Variants in PARD6G observed in about 807,000 individuals in gnomAD.
PARD6G encodes the protein par-6 family cell polarity regulator gamma.
Under a neutral mutation model 10.7 loss-of-function variants are expected in PARD6G, and 7 were observed. The ratio of observed to expected loss-of-function variants is 0.66; its 90% CI spans 0.37 to 1.23. PARD6G has a LOEUF of 1.23. PARD6G is among the 50% of genes most tolerant of loss of function. The pLI is 0.02. For synonymous variants in PARD6G, 287 were observed against 269.4 expected (o/e 1.07, Z -0.64); for missense variants, 548 against 571.8 (o/e 0.96, Z 0.42).
intron 1 of PARD6G, among the ~76,000 whole-genome samples, chr18:80,245,574 A>G (rs758381342): frequency 3.9e-5 from 6 of 152,182 alleles, no homozygotes; most frequent in Non-Finnish European, 7.3e-5. Flanking sequence ...AGGGAGGCTG[A>G]GCAAAGGCTC....
At position 80,247,232 on chromosome 18, in the gene PARD6G, C is replaced by T. The variant is rs750613322; in HGVS notation, c.72+45G>A. 7 of 1,501,906 alleles carry T rather than the reference C, an allele frequency of 4.7e-6. No homozygotes were observed. Among genetic ancestry groups the T allele is most frequent in the Non-Finnish European group, 6.3e-6 (7 of 1,104,540 alleles). 93.0% of individuals were successfully genotyped at this position (1,501,906 alleles called of 1,614,324 possible). A position where few individuals can be genotyped will look rare whatever the true frequency, so the allele number is the denominator to read the frequency against. ...CTCCGCGGGGCGCCCCATTCATTAGCCAGGAGACTGGGCGCAGGGCCGCCG... is the reference window on the plus strand; with the variant it reads ...CTCCGCGGGGCGCCCCATTCATTAGTCAGGAGACTGGGCGCAGGGCCGCCG... On this transcript the variant is annotated intron_variant, in intron 1 of 2. Coordinates refer to ENST00000353265, the MANE Select transcript of PARD6G (RefSeq NM_032510.4). This position sits in a 1 kb window ranked among gnomAD's most constrained non-coding sequence, Gnocchi z 4.2.
At chr18:80,216,348 T>C (rs1967166031) in intron 1 of PARD6G, among the ~76,000 whole-genome samples, 1 of 152,096 alleles carries the variant, frequency 6.6e-6, no homozygotes, top group African/African-American at 2.4e-5. Flanking sequence ...TGAAACATTC[T>C]CTAGGATAGA....
chr18:80,226,151 G>GTTT (rs10606939), intron 1 of PARD6G, among the ~76,000 whole-genome samples: 12 of 76,564 alleles, frequency 1.6e-4, no homozygotes, highest in African/African-American at 2.2e-4. Flanking sequence ...AATGACTTCA[G>GTTT]TTTTTTTTTT....
chr18:80,188,569 C>A lies in PARD6G; in HGVS notation c.295+14141G>T, dbSNP rs2052892021. On this transcript the variant is annotated intron_variant, in intron 2 of 2. Coordinates refer to ENST00000353265, the MANE Select transcript of PARD6G (RefSeq NM_032510.4). This position sits in a 1 kb window ranked among gnomAD's most constrained non-coding sequence, Gnocchi z 5.4. The stretch of plus-strand genomic sequence containing the variant: ...AACTGTGCCAGCACAACCATCCCAG[C>A]CCTCCTCGGATGCCCAGTTCGCCAG... Among the ~76,000 whole-genome samples the A allele has an allele frequency of 6.6e-6, 1 of 152,200 alleles. No individual in the cohort carries two copies. The highest frequency in any genetic ancestry group is 1.5e-5 in the Non-Finnish European group (1 of 68,026).
rs538193875 is a variant in PARD6G, at chr18:80,245,501, G to A, written c.72+1776C>T. ...ACACGAATGAGTGTGTCACGCTGCT[G>A]AGACCCGCTAAGGTCTGTGTCCAGG... On this transcript the variant is annotated intron_variant, in intron 1 of 2. Transcript: ENST00000353265. 2.2e-3 allele frequency among the ~76,000 whole-genome samples: 337 copies of A among 152,256 alleles called. 1 individual carries two copies. Among genetic ancestry groups the A allele is most frequent in the African/African-American group, 7.9e-3 (329 of 41,530 alleles).
intron 1 of PARD6G, among the ~76,000 whole-genome samples, chr18:80,235,440 T>C (rs1172222862): frequency 6.6e-6 from 1 of 151,880 alleles, no homozygotes; most frequent in African/African-American, 2.4e-5. Flanking sequence ...AACATCACAA[T>C]TAAAAGAACT....
rs1490832956 is a variant in PARD6G, at chr18:80,160,511, G to C, written c.391C>G (p.His131Asp). 7 of 1,533,094 alleles carry C rather than the reference G, an allele frequency of 4.6e-6. No homozygotes were observed. Among genetic ancestry groups the C allele is most frequent in the Non-Finnish European group, 6.1e-6 (7 of 1,139,900 alleles). 95.0% of individuals were successfully genotyped at this position (1,533,094 alleles called of 1,614,324 possible). ...LRDEGPRRRA[H>D]LDIGLPRDFR... ...TCGCGCGGGAGGCCGATGTCCAGGT[G>C]TGCACGCCGCCGGGGTCCTTCATCA... The change falls in exon 3 of 3, where the codon CAC (histidine) becomes GAC (aspartate). Residue 131 changes from histidine to aspartate, a missense_variant. Coordinates refer to ENST00000353265, the MANE Select transcript of PARD6G (RefSeq NM_032510.4).
Position 80,175,971 on chromosome 18 carries a change from G to A in PARD6G, c.296-15365C>T, listed in dbSNP as rs1340527261. The A allele has an allele frequency of 6.0e-6, 1 of 167,380 alleles. No homozygotes were observed. Among genetic ancestry groups the A allele is most frequent in the African/African-American group, 2.4e-5 (1 of 41,452 alleles). 10.4% of individuals were successfully genotyped at this position (167,380 alleles called of 1,614,324 possible). A position where few individuals can be genotyped will look rare whatever the true frequency, so the allele number is the denominator to read the frequency against. On this transcript the variant is annotated intron_variant, in intron 2 of 2. Coordinates refer to ENST00000353265, the MANE Select transcript of PARD6G (RefSeq NM_032510.4). This position sits in a 1 kb window ranked among gnomAD's most constrained non-coding sequence, Gnocchi z 6.7. The stretch of plus-strand genomic sequence containing the variant: ...GCTGGGATGTCATGCTGGTAAGAGT[G>A]TGGCAAGTTCTGAGGGGCTTCCTGA...
chr18:80,243,866 A>C (rs955672719), intron 1 of PARD6G, among the ~76,000 whole-genome samples: 3 of 152,174 alleles, frequency 2.0e-5, no homozygotes, highest in African/African-American at 7.2e-5. Context: ...GGCCGAGGGC[A>C]TGAGCAGCGG....
chr18:80,242,427 C>T (rs1967500217), intron 1 of PARD6G, among the ~76,000 whole-genome samples: 1 of 152,234 alleles, frequency 6.6e-6, no homozygotes, highest in African/African-American at 2.4e-5. Flanking sequence ...GGGCATGTTC[C>T]TGCAGCACCA....
chr18:80,173,506 T>A (rs1434005671), intron 2 of PARD6G, among the ~76,000 whole-genome samples: 3 of 151,918 alleles, frequency 2.0e-5, no homozygotes, highest in Non-Finnish European at 2.9e-5. Context: ...GCGCCTGTAA[T>A]CCCAGCTACT....
At chr18:80,234,453 A>C (rs1967396243) in intron 1 of PARD6G, among the ~76,000 whole-genome samples, 1 of 152,122 alleles carries the variant, frequency 6.6e-6, no homozygotes, top group African/African-American at 2.4e-5. Flanking sequence ...AATAGCTAAT[A>C]AGTTGTGGTT....
At chr18:80,214,520 A>G (rs187908746) in intron 1 of PARD6G, among the ~76,000 whole-genome samples, 1 of 152,192 alleles carries the variant, frequency 6.6e-6, no homozygotes, top group Non-Finnish European at 1.5e-5. Flanking sequence ...AGAGATAACA[A>G]TTATAAAAGT....
At chr18:80,203,305 G>A (rs1351574453) in intron 1 of PARD6G, among the ~76,000 whole-genome samples, 2 of 152,096 alleles carry the variant, frequency 1.3e-5, no homozygotes, top group Non-Finnish European at 1.5e-5. Context: ...TTCTCCACAA[G>A]GGCCTGGGGA....
intron 2 of PARD6G, among the ~76,000 whole-genome samples, chr18:80,194,595 C>A (rs1342756995): frequency 1.3e-5 from 2 of 152,110 alleles, no homozygotes; most frequent in African/African-American, 4.8e-5. Context: ...ATTCACCCCC[C>A]CGAGATCTTA....
intron 2 of PARD6G, among the ~76,000 whole-genome samples, chr18:80,164,702 C>A (rs8098143): frequency 0.85 from 128,907 of 152,224 alleles, 54,732 homozygotes; most frequent in Non-Finnish European, 0.87. Flanking sequence ...GCCAGCTGAG[C>A]AAGAGAAAGA....
In PARD6G at chr18:80,188,845, G is replaced by A. The variant is rs1254696924; in HGVS notation, c.295+13865C>T. ...GATGGGCTTGCGGGGAAGTCAGGCGGGTGCAATCCCTACCGTTTCCCCACG... is the reference window on the plus strand; with the variant it reads ...GATGGGCTTGCGGGGAAGTCAGGCGAGTGCAATCCCTACCGTTTCCCCACG... On this transcript the variant is annotated intron_variant, in intron 2 of 2. Transcript: ENST00000353265. The surrounding 1 kb of genome is among the most constrained non-coding windows in gnomAD (Gnocchi z 5.4). Among the ~76,000 whole-genome samples the A allele has an allele frequency of 6.6e-6, 1 of 152,174 alleles. No homozygotes were observed. Among genetic ancestry groups the A allele is most frequent in the African/African-American group, 2.4e-5 (1 of 41,424 alleles).
intron 2 of PARD6G, among the ~76,000 whole-genome samples, chr18:80,176,345 G>A (rs374411780): frequency 3.9e-5 from 6 of 152,166 alleles, no homozygotes; most frequent in African/African-American, 7.2e-5. Context: ...TACATCCCAC[G>A]TTTACTTTAC....
At chr18:80,240,770 G>A (rs529912281) in intron 1 of PARD6G, among the ~76,000 whole-genome samples, 2 of 152,140 alleles carry the variant, frequency 1.3e-5, no homozygotes, top group Non-Finnish European at 1.5e-5. Context: ...GGGCTGCACC[G>A]GAAACCTCCG....
Sources: gnomAD v4.1 joint callset for allele counts (sites outside exome capture counted in the v4.1 genomes callset) on GRCh38, gnomAD v4.1.1 for gene constraint, Gnocchi (gnomAD v3.1) non-coding constraint, MANE v1.5 for transcripts, NCBI Gene and HGNC (gene_info 2026-07-23, HGNC 2026-07-21) for gene names.